Variants in ST6GALNAC3 observed in about 807,000 individuals in gnomAD.
The protein encoded by ST6GALNAC3 is ST6 N-acetylgalactosaminide alpha-2,6-sialyltransferase 3.
ST6GALNAC3 carries 25 observed loss-of-function variants against 32.7 expected under a neutral mutation model. The ratio of observed to expected loss-of-function variants is 0.76; its 90% CI spans 0.56 to 1.07. ST6GALNAC3 has a LOEUF of 1.07. ST6GALNAC3 is among the 50% of genes least tolerant of loss of function. ST6GALNAC3 has a pLI of 0.00. For synonymous variants in ST6GALNAC3, 129 were observed against 133.1 expected, an observed-to-expected ratio of 0.97 and a Z score of 0.21; for missense variants, 355 against 382.4, an observed-to-expected ratio of 0.93 and a Z score of 0.60.
intron 2 of ST6GALNAC3, among the ~76,000 whole-genome samples, chr1:76,327,304 GTGTGTGTGTGTA>G (rs1647095508): frequency 3.0e-5 from 4 of 132,638 alleles, no homozygotes; most frequent in Non-Finnish European, 4.8e-5. Context: ...GTGTGTGTGT[GTGTGTGTGTGTA>G]TGTGTGTATA....
intron 3 of ST6GALNAC3, among the ~76,000 whole-genome samples, chr1:76,576,190 C>T (rs1646804122): frequency 1.3e-5 from 2 of 151,918 alleles, no homozygotes; most frequent in Non-Finnish European, 2.9e-5. Context: ...CAGAAGAAAA[C>T]AGGATGATTA....
intron 3 of ST6GALNAC3, among the ~76,000 whole-genome samples, chr1:76,590,947 A>G (rs1647037987): frequency 6.6e-6 from 1 of 152,188 alleles, no homozygotes; most frequent in Non-Finnish European, 1.5e-5. Context: ...ACATACATGG[A>G]GCTTGCCCTG....
In ST6GALNAC3 at chr1:76,401,446, C is replaced by T. The variant is rs111393732; in HGVS notation, c.214-10562C>T. ...ACTAGACTCCAATCTCATTGAACAT[C>T]GTAAACATTGTTTTAGTCTATATCC... On this transcript the variant is annotated intron_variant, in intron 2 of 4. Coordinates refer to ENST00000328299, the MANE Select transcript of ST6GALNAC3 (RefSeq NM_152996.4). 5.8e-3 allele frequency among the ~76,000 whole-genome samples: 877 copies of T among 152,262 alleles called. 8 individuals are homozygous for T. Among genetic ancestry groups the T allele is most frequent in the African/African-American group, 0.02 (834 of 41,584 alleles).
At chr1:76,601,403 T>C (rs1448855743) in intron 3 of ST6GALNAC3, among the ~76,000 whole-genome samples, 1 of 152,146 alleles carries the variant, frequency 6.6e-6, no homozygotes, top group Admixed American at 6.5e-5. Context: ...GAATTAGGAC[T>C]TGGGTCTTGG....
intron 1 of ST6GALNAC3, among the ~76,000 whole-genome samples, chr1:76,299,042 T>TA (rs1222225149): frequency 1.3e-5 from 2 of 152,076 alleles, no homozygotes; most frequent in Non-Finnish European, 2.9e-5. Flanking sequence ...GAATACCATC[T>TA]AAAAATAAAA....
In ST6GALNAC3 at chr1:76,397,946, G is replaced by T. The variant is rs189036707; in HGVS notation, c.214-14062G>T. On this transcript the variant is annotated intron_variant, in intron 2 of 4. Coordinates refer to ENST00000328299, the MANE Select transcript of ST6GALNAC3 (RefSeq NM_152996.4). Reference sequence around the variant, plus strand: ...AACTACTGTGTCATCTGTAAATAATGATTTTTTTTCTTCTCTATTTCAGTA... The same window carrying T: ...AACTACTGTGTCATCTGTAAATAATTATTTTTTTTCTTCTCTATTTCAGTA... 5.3e-3 allele frequency among the ~76,000 whole-genome samples: 787 copies of T among 149,508 alleles called. 7 individuals are homozygous for T. The highest frequency in any genetic ancestry group is 0.042 in the South Asian group (204 of 4,814).
chr1:76,210,072 T>G, intron 1 of ST6GALNAC3, among the ~76,000 whole-genome samples: 1 of 152,310 alleles, frequency 6.6e-6, no homozygotes, highest in Non-Finnish European at 1.5e-5. Context: ...TTTTTTCTTT[T>G]TATTATTTTA....
chr1:76,343,339 A>G (rs1353902426), intron 2 of ST6GALNAC3, among the ~76,000 whole-genome samples: 1 of 152,222 alleles, frequency 6.6e-6, no homozygotes, highest in African/African-American at 2.4e-5. Context: ...TTTCAGTAAC[A>G]GAACATCTTT....
chr1:76,223,481 A>G (rs1445518521), intron 1 of ST6GALNAC3, among the ~76,000 whole-genome samples: 2 of 152,102 alleles, frequency 1.3e-5, no homozygotes, highest in Non-Finnish European at 2.9e-5. Flanking sequence ...TGGATGATGA[A>G]ATAATCTGTA....
intron 3 of ST6GALNAC3, 36 bp from the exon 4 acceptor site, chr1:76,627,416 G>T: frequency 1.5e-6 from 2 of 1,369,116 alleles, no homozygotes; most frequent in East Asian, 2.3e-5. Context: ...TCTGTGTTTT[G>T]TTCTGTTTGT....
intron 2 of ST6GALNAC3, among the ~76,000 whole-genome samples, chr1:76,326,589 A>G (rs1426182865): frequency 6.6e-6 from 1 of 152,150 alleles, no homozygotes; most frequent in East Asian, 1.9e-4. Context: ...GTAATTTGCT[A>G]AAAAAGACTA....
At chr1:76,188,325 G>C (rs1366023128) in intron 1 of ST6GALNAC3, among the ~76,000 whole-genome samples, 1 of 152,088 alleles carries the variant, frequency 6.6e-6, no homozygotes, top group Non-Finnish European at 1.5e-5. Context: ...TCACACCACT[G>C]CACTCCAGCC....
chr1:76,106,808 T>C (rs780318922), intron 1 of ST6GALNAC3, among the ~76,000 whole-genome samples: 1 of 152,138 alleles, frequency 6.6e-6, no homozygotes, highest in Non-Finnish European at 1.5e-5. Context: ...TATAAATAAA[T>C]AAAAGTGTCA....
At chr1:76,136,990 G>T (rs527558899) in intron 1 of ST6GALNAC3, among the ~76,000 whole-genome samples, 107 of 152,252 alleles carry the variant, frequency 7.0e-4, no homozygotes, top group African/African-American at 2.5e-3. Flanking sequence ...TGATACTTTT[G>T]TCTCAGTCTT....
intron 3 of ST6GALNAC3, among the ~76,000 whole-genome samples, chr1:76,618,910 G>C (rs1182860914): frequency 6.6e-6 from 1 of 152,168 alleles, no homozygotes; most frequent in East Asian, 1.9e-4. Flanking sequence ...GGCAAGCTAT[G>C]TTCTAGGATG....
intron 3 of ST6GALNAC3, among the ~76,000 whole-genome samples, chr1:76,447,922 C>T (rs759801042): frequency 1.3e-5 from 2 of 152,140 alleles, no homozygotes; most frequent in African/African-American, 2.4e-5. Flanking sequence ...GGGGTCAGAG[C>T]CCCCACAGAG....
rs1297120342 is a variant in ST6GALNAC3 at position 76,630,752 on chromosome 1, T to C, written c.*1946T>C. The C allele has an allele frequency of 2.0e-6, 2 of 985,560 alleles. No homozygotes were observed. Among genetic ancestry groups the C allele is most frequent in the Non-Finnish European group, 2.4e-6 (2 of 829,870 alleles). 61.1% of individuals were successfully genotyped at this position (985,560 alleles called of 1,614,324 possible). A position where few individuals can be genotyped will look rare whatever the true frequency, so the allele number is the denominator to read the frequency against. On this transcript the variant is annotated 3_prime_UTR_variant, in exon 5 of 5. Coordinates refer to ENST00000328299, the MANE Select transcript of ST6GALNAC3 (RefSeq NM_152996.4). Reference sequence around the variant, plus strand: ...ACATTACTAAGCCCCAGTTCTATCGTTGGAAGGAGTTGTTATTCTTTTGTT... The same window carrying C: ...ACATTACTAAGCCCCAGTTCTATCGCTGGAAGGAGTTGTTATTCTTTTGTT...
At chr1:76,504,889 G>A (rs928525126) in intron 3 of ST6GALNAC3, among the ~76,000 whole-genome samples, 4 of 151,898 alleles carry the variant, frequency 2.6e-5, no homozygotes, top group Non-Finnish European at 5.9e-5. Context: ...TTTTTCTATC[G>A]TACTTCAGAT....
At chr1:76,599,463 G>A (rs1647186699) in intron 3 of ST6GALNAC3, among the ~76,000 whole-genome samples, 1 of 136,818 alleles carries the variant, frequency 7.3e-6, no homozygotes, top group Non-Finnish European at 1.6e-5. Flanking sequence ...CCCACCCTCC[G>A]ACAGGCCCCA....
Sources: allele counts gnomAD v4.1 joint callset (sites outside exome capture counted in the v4.1 genomes callset), GRCh38; gene constraint gnomAD v4.1.1; transcripts MANE v1.5; gene names NCBI Gene and HGNC (gene_info 2026-07-23, HGNC 2026-07-21).